The following DAPK2 variants were observed in gnomAD, a reference collection of about 807,000 sequenced individuals.
DAPK2 encodes death associated protein kinase 2.
DAPK2 carries 35 observed loss-of-function variants against 44.1 expected under a neutral mutation model. The ratio of observed to expected loss-of-function variants is 0.79; its 90% CI spans 0.61 to 1.05. The LOEUF (loss-of-function observed/expected upper bound fraction) is 1.05. Among genes scored for constraint, DAPK2 ranks in the 50% least tolerant of loss-of-function variants. The pLI is 0.00. For synonymous variants in DAPK2, 174 were observed against 182.6 expected (o/e 0.95, Z 0.38); for missense variants, 453 against 483.2 (o/e 0.94, Z 0.59).
chr15:64,032,748 C>T (rs1413952342), intron 1 of DAPK2, among the ~76,000 whole-genome samples: 2 of 151,814 alleles, frequency 1.3e-5, no homozygotes, highest in African/African-American at 2.4e-5. Context: ...CCCAGGAGTT[C>T]AAGACCAGCC....
At chr15:64,031,242 T>C (rs1051779404) in intron 1 of DAPK2, among the ~76,000 whole-genome samples, 1 of 151,982 alleles carries the variant, frequency 6.6e-6, no homozygotes, top group Non-Finnish European at 1.5e-5. Flanking sequence ...TTTTCTTTTT[T>C]TTTTTTTTGA....
At chr15:63,971,649 C>G (rs559620168) in intron 2 of DAPK2, 88 bp from the exon 4 acceptor site, 19 of 1,442,464 alleles carry the variant, frequency 1.3e-5, no homozygotes, top group Non-Finnish European at 1.7e-5. Context: ...AAGCCCTCAT[C>G]CTGACCCCCC....
intron 3 of DAPK2, among the ~76,000 whole-genome samples, chr15:63,954,933 T>C (rs890966065): frequency 3.3e-5 from 5 of 152,206 alleles, no homozygotes; most frequent in African/African-American, 1.2e-4. Flanking sequence ...GAGATTACTT[T>C]CTTGATTTCT....
At chr15:64,041,601 A>C (rs74384478), upstream of DAPK2, among the ~76,000 whole-genome samples, 2,296 of 152,282 alleles carry the variant, frequency 0.015, 61 homozygotes, top group African/African-American at 0.053. Flanking sequence ...GTCAGAGCTC[A>C]TTTTGGTTAG....
chr15:63,970,735 G>A (rs1006673923), intron 3 of DAPK2, among the ~76,000 whole-genome samples: 5 of 152,208 alleles, frequency 3.3e-5, no homozygotes, highest in African/African-American at 1.2e-4. Flanking sequence ...TACACATTAA[G>A]TATCTGTATA....
At chr15:63,986,679 C>A (rs1432188374) in intron 1 of DAPK2, among the ~76,000 whole-genome samples, 1 of 152,196 alleles carries the variant, frequency 6.6e-6, no homozygotes, top group Non-Finnish European at 1.5e-5. Context: ...GAGCAAGTAG[C>A]CAACTCTTTA....
At chr15:64,001,852 C>A (rs886905259) in intron 1 of DAPK2, among the ~76,000 whole-genome samples, 2 of 152,210 alleles carry the variant, frequency 1.3e-5, no homozygotes, top group Non-Finnish European at 2.9e-5. Context: ...AGGCCCCAAT[C>A]CACTGCATAA....
Position 63,913,858 on chromosome 15 carries a change from G to A in DAPK2, c.859-1661C>T, listed in dbSNP as rs147160024. Among the ~76,000 whole-genome samples, 1,002 of 152,190 alleles carry A rather than the reference G, an allele frequency of 6.6e-3. 6 individuals carry two copies. Among genetic ancestry groups the A allele is most frequent in the Non-Finnish European group, 0.011 (769 of 68,018 alleles). On this transcript the variant is annotated intron_variant, in intron 8 of 10. Transcript: ENST00000261891. ...TGTCTCCCTCCCTGACATGAACAAG[G>A]CACATGTATGCTCCTTTATGAAGTC... is the stretch of plus-strand genomic sequence containing the variant.
chr15:64,035,189 G>A (rs922018127), intron 1 of DAPK2, among the ~76,000 whole-genome samples: 2 of 151,790 alleles, frequency 1.3e-5, no homozygotes, highest in Admixed American at 6.6e-5. Flanking sequence ...AATCATCTAA[G>A]TAAAGGAAAG....
upstream of DAPK2, among the ~76,000 whole-genome samples, chr15:64,043,928 C>G (rs1209017014): frequency 6.6e-6 from 1 of 152,200 alleles, no homozygotes; most frequent in Non-Finnish European, 1.5e-5. Context: ...GTTCCCCAGC[C>G]TCCTTTCTCA....
intron 3 of DAPK2, among the ~76,000 whole-genome samples, chr15:63,953,774 C>A (rs1251991538): frequency 6.6e-6 from 1 of 152,144 alleles, no homozygotes; most frequent in African/African-American, 2.4e-5. Flanking sequence ...AGCATTGTTA[C>A]CAGCATGTTA....
intron 1 of DAPK2, among the ~76,000 whole-genome samples, chr15:64,000,886 T>C (rs2079068318): frequency 6.8e-6 from 1 of 146,784 alleles, no homozygotes; most frequent in African/African-American, 2.5e-5. Flanking sequence ...GAGTCAACAC[T>C]TTTTTTTTTT....
intron 3 of DAPK2, among the ~76,000 whole-genome samples, chr15:63,949,043 A>G (rs17777266): frequency 0.3 from 46,160 of 152,042 alleles, 7,693 homozygotes; most frequent in Non-Finnish European, 0.36. Context: ...TGCCTTCTGA[A>G]ATCACCCTTG....
chr15:63,953,484 G>A (rs1053949771), intron 3 of DAPK2, among the ~76,000 whole-genome samples: 1 of 152,022 alleles, frequency 6.6e-6, no homozygotes, highest in South Asian at 2.1e-4. Flanking sequence ...GTACTTATTT[G>A]TGTATATTTA....
chr15:63,935,116 G>T (rs959597654), intron 4 of DAPK2, among the ~76,000 whole-genome samples: 3 of 129,106 alleles, frequency 2.3e-5, no homozygotes, highest in African/African-American at 2.8e-5. Flanking sequence ...CCTGATACAC[G>T]GTCTCACTCT....
intron 1 of DAPK2, among the ~76,000 whole-genome samples, chr15:64,045,715 T>A (rs748663053): frequency 4.6e-5 from 7 of 151,840 alleles, no homozygotes; most frequent in African/African-American, 7.3e-5. Flanking sequence ...TAGCCCAGAG[T>A]CCTAGTCAAC....
chr15:64,045,365 C>G (rs552225635), intron 1 of DAPK2, among the ~76,000 whole-genome samples: 1 of 152,178 alleles, frequency 6.6e-6, no homozygotes, highest in East Asian at 1.9e-4. Context: ...CAAGGCACCA[C>G]GGCCTCTTAG....
Position 63,912,283 on chromosome 15 carries a change from A to C in DAPK2, c.859-86T>G. ...CGCCGCAGAACTCCCCACCCACCGCATGCCCACCGCCCTTGGCTTGACCCT... is the reference window on the plus strand; with the variant it reads ...CGCCGCAGAACTCCCCACCCACCGCCTGCCCACCGCCCTTGGCTTGACCCT... On this transcript the variant is annotated intron_variant, in intron 8 of 10. Coordinates refer to ENST00000261891, the Ensembl canonical transcript of DAPK2. The surrounding 1 kb of genome is among the most constrained non-coding windows in gnomAD (Gnocchi z 4.4). The C allele has an allele frequency of 1.5e-6, 2 of 1,360,224 alleles. No individual in the cohort carries two copies. The highest frequency in any genetic ancestry group is 1.0e-6 in the Non-Finnish European group (1 of 970,740). 84.3% of individuals were successfully genotyped at this position (1,360,224 alleles called of 1,614,324 possible).
rs1163174013 is a variant in DAPK2 at position 63,990,656 on chromosome 15, T to C, written c.93-6902A>G. On this transcript the variant is annotated intron_variant, in intron 1 of 10. Coordinates refer to ENST00000261891, the Ensembl canonical transcript of DAPK2. The surrounding 1 kb of genome is among the most constrained non-coding windows in gnomAD (Gnocchi z 4.3). Reference sequence around the variant, plus strand: ...TTCCAAAGCAGAGGGTCGCGGAGACTGGCTTCCTCCTCCTGCTTCCCCACC... The same window carrying C: ...TTCCAAAGCAGAGGGTCGCGGAGACCGGCTTCCTCCTCCTGCTTCCCCACC... 3.3e-5 allele frequency among the ~76,000 whole-genome samples: 5 copies of C among 152,176 alleles called. No individual in the cohort carries two copies. Among genetic ancestry groups the C allele is most frequent in the Non-Finnish European group, 7.4e-5 (5 of 68,014 alleles).
Sources: allele counts gnomAD v4.1 joint callset (sites outside exome capture counted in the v4.1 genomes callset), GRCh38; gene constraint gnomAD v4.1.1; non-coding constraint Gnocchi (gnomAD v3.1); transcripts MANE v1.5; gene names NCBI Gene and HGNC (gene_info 2026-07-23, HGNC 2026-07-21).